The following OR5H15 variants were observed in gnomAD, a reference collection of about 807,000 sequenced individuals.
OR5H15 encodes olfactory receptor 5H15.
For synonymous variants in OR5H15, 153 were observed against 129.1 expected, an observed-to-expected ratio of 1.19 and a Z score of -1.26; for missense variants, 405 against 366.1, an observed-to-expected ratio of 1.11 and a Z score of -0.87.
chr3:98,169,521 G>A lies in OR5H15; in HGVS notation c.822G>A (p.Glu274=), dbSNP rs376537097. 115 of 1,613,178 alleles carry A rather than the reference G, an allele frequency of 7.1e-5. No individual in the cohort carries two copies. The highest frequency in any genetic ancestry group is 8.9e-5 in the Non-Finnish European group (105 of 1,179,478). The part of the protein sequence containing the change: ...SPQADGQNMV[E]PLFYTVIIPL... Reference sequence around the variant, plus strand: ...AAGCAGATGGTCAAAATATGGTGGAGCCTCTATTCTACACTGTCATCATTC... The same window carrying A: ...AAGCAGATGGTCAAAATATGGTGGAACCTCTATTCTACACTGTCATCATTC... The change falls in exon 2 of 2, where the codon GAG becomes GAA. Residue 274 remains glutamate, a synonymous_variant. Coordinates refer to ENST00000641450, the MANE Select transcript of OR5H15 (RefSeq NM_001005515.2).
At chr3:98,168,417 C>T (rs1337785626) in intron 1 of OR5H15, among the ~76,000 whole-genome samples, 2 of 152,058 alleles carry the variant, frequency 1.3e-5, no homozygotes, top group Non-Finnish European at 2.9e-5. Context: ...TTTTCTACTG[C>T]ACTCAATAGT....
chr3:98,167,314 T>G (rs965048982), intron 1 of OR5H15, among the ~76,000 whole-genome samples: 2 of 152,078 alleles, frequency 1.3e-5, no homozygotes, highest in Admixed American at 6.6e-5. Context: ...AAGGTTGCAT[T>G]AAGTAGAGTC....
Position 98,169,641 on chromosome 3 carries a change from A to G in OR5H15, c.942A>G (p.Ter314=), listed in dbSNP as rs938096481. The G allele has an allele frequency of 1.9e-6, 3 of 1,569,520 alleles. No homozygotes were observed. Among genetic ancestry groups the G allele is most frequent in the African/African-American group, 2.7e-5 (2 of 73,756 alleles). Residue 314 remains the stop codon, a stop_retained_variant, in exon 2 of 2, where the codon TAA becomes TAG. Coordinates refer to ENST00000641450, the MANE Select transcript of OR5H15 (RefSeq NM_001005515.2). ...MLKRNVKVSY[*] ...AAAGAAATGTTAAGGTTTCATACTA[A>G]TATCCTTTTTCTATTTACTAAAATA...
At position 98,169,376 on chromosome 3, in the gene OR5H15, T is replaced by C; in HGVS notation, c.677T>C (p.Leu226Ser). 5.0e-6 allele frequency: 8 copies of C among 1,613,364 alleles called. No homozygotes were observed. The highest frequency in any genetic ancestry group is 5.9e-6 in the Non-Finnish European group (7 of 1,179,578). ...TACACATTTGTTCTCTTCACAGTCT[T>C]AGAAAAGAAATCTGATAAGGGTGTA... Reference protein sequence around the residue: ...ISYTFVLFTVLEKKSDKGVRK... With the variant: ...ISYTFVLFTVSEKKSDKGVRK... Residue 226 changes from leucine (L) to serine (S), a missense_variant, in exon 2 of 2, where the codon TTA (leucine) becomes TCA (serine). Physicochemically the swap from Leu to Ser is moderately radical, Grantham distance 145. Transcript: ENST00000641450.
At position 98,169,180 on chromosome 3, in the gene OR5H15, G is replaced by A. The variant is rs543872298; in HGVS notation, c.481G>A (p.Gly161Arg). Reference sequence around the variant, plus strand: ...TATTCTTCATGCTTTAATCCATGAAGGATTTTTATTCAGACTAACCTTCTG... The same window carrying A: ...TATTCTTCATGCTTTAATCCATGAAAGATTTTTATTCAGACTAACCTTCTG... ...AGILHALIHE[G>R]FLFRLTFCNS... The change falls in exon 2 of 2, where the codon GGA (glycine) becomes AGA (arginine). Residue 161 changes from glycine to arginine, a missense_variant. Physicochemically the swap from Gly to Arg is moderately radical, Grantham distance 125. Transcript: ENST00000641450. 6.0e-5 allele frequency: 97 copies of A among 1,613,146 alleles called. No homozygotes were observed. Among genetic ancestry groups the A allele is most frequent in the Non-Finnish European group, 8.1e-5 (96 of 1,179,612 alleles).
At position 98,169,049 on chromosome 3, in the gene OR5H15, C is replaced by A. The variant is rs1708764484; in HGVS notation, c.350C>A (p.Thr117Lys). Reference protein sequence around the residue: ...GVTTECFLLATMAYDRYVAIC... With the variant: ...GVTTECFLLAKMAYDRYVAIC... ...ACCACAGAATGTTTTCTCTTGGCAA[C>A]AATGGCATATGATCGCTATGTAGCC... The change falls in exon 2 of 2, where the codon ACA becomes AAA. Residue 117 changes from threonine to lysine, a missense_variant. Physicochemically the swap from Thr to Lys is moderately conservative, Grantham distance 78. Transcript: ENST00000641450. 1 of 1,613,572 alleles carries A rather than the reference C, an allele frequency of 6.2e-7. No homozygotes were observed. Among genetic ancestry groups the A allele is most frequent in the African/African-American group, 1.3e-5 (1 of 74,890 alleles).
At chr3:98,167,409 T>G (rs1708735617) in intron 1 of OR5H15, among the ~76,000 whole-genome samples, 1 of 151,696 alleles carries the variant, frequency 6.6e-6, no homozygotes, top group Non-Finnish European at 1.5e-5. Context: ...ATATTCCAAA[T>G]GTAGGATCAG....
At position 98,169,148 on chromosome 3, in the gene OR5H15, T is replaced by G; in HGVS notation, c.449T>G (p.Ile150Arg). 2 of 1,613,616 alleles carry G rather than the reference T, an allele frequency of 1.2e-6. No individual in the cohort carries two copies. The highest frequency in any genetic ancestry group is 4.5e-5 in the East Asian group (2 of 44,822). Reference sequence around the variant, plus strand: ...ATCCGGCTATTAATCTTGTCATATATAGCTGGTATTCTTCATGCTTTAATC... The same window carrying G: ...ATCCGGCTATTAATCTTGTCATATAGAGCTGGTATTCTTCATGCTTTAATC... ...LCIRLLILSY[I>R]AGILHALIHE... Residue 150 changes from isoleucine (I) to arginine (R), a missense_variant, in exon 2 of 2, where the codon ATA becomes AGA. By Grantham distance (97) the Ile-to-Arg change is moderately conservative. Coordinates refer to ENST00000641450, the MANE Select transcript of OR5H15 (RefSeq NM_001005515.2).
intron 1 of OR5H15, among the ~76,000 whole-genome samples, chr3:98,167,343 T>C (rs1016073192): frequency 2.6e-5 from 4 of 151,732 alleles, no homozygotes; most frequent in African/African-American, 9.7e-5. Flanking sequence ...TCCACCTTGA[T>C]TACCTTCAAA....
intron 1 of OR5H15, 100 bp from the exon 2 acceptor site, chr3:98,168,582 G>A (rs1351165239): frequency 3.1e-6 from 4 of 1,311,098 alleles, no homozygotes; most frequent in Non-Finnish European, 4.2e-6. Flanking sequence ...AAATTGAGAG[G>A]GTTCTGATCA....
At position 98,168,788 on chromosome 3, in the gene OR5H15, C is replaced by T. The variant is rs766352943; in HGVS notation, c.89C>T (p.Ala30Val). Residue 30 changes from alanine to valine, a missense_variant, in exon 2 of 2, where the codon GCA becomes GTA. Ala to Val is a moderately conservative substitution (Grantham distance 64). Transcript: ENST00000641450. Reference sequence around the variant, plus strand: ...CAGTGGAAAATACCCCTGTTCTTGGCATTCTTGGTAATATATCTCATCACC... The same window carrying T: ...CAGTGGAAAATACCCCTGTTCTTGGTATTCTTGGTAATATATCTCATCACC... ...QPQWKIPLFLAFLVIYLITIM... is the reference protein window; with the variant it reads ...QPQWKIPLFLVFLVIYLITIM... 1.2e-6 allele frequency: 2 copies of T among 1,613,528 alleles called. No individual in the cohort carries two copies. Among genetic ancestry groups the T allele is most frequent in the Non-Finnish European group, 8.5e-7 (1 of 1,179,566 alleles).
chr3:98,169,143 A>G lies in OR5H15; in HGVS notation c.444A>G (p.Ser148=). ...NGLCIRLLIL[S]YIAGILHALI... ...TGTGCATCCGGCTATTAATCTTGTC[A>G]TATATAGCTGGTATTCTTCATGCTT... The change falls in exon 2 of 2, where the codon TCA becomes TCG. Residue 148 remains serine, a synonymous_variant. Transcript: ENST00000641450. The G allele has an allele frequency of 6.2e-7, 1 of 1,613,548 alleles. No homozygotes were observed. The highest frequency in any genetic ancestry group is 8.5e-7 in the Non-Finnish European group (1 of 1,179,660).
chr3:98,168,906 G>A lies in OR5H15; in HGVS notation c.207G>A (p.Val69=), dbSNP rs779237005. The A allele has an allele frequency of 1.9e-6, 3 of 1,613,160 alleles. No homozygotes were observed. Among genetic ancestry groups the A allele is most frequent in the Non-Finnish European group, 2.5e-6 (3 of 1,179,464 alleles). The change falls in exon 2 of 2, where the codon GTG becomes GTA. Residue 69 remains valine, a synonymous_variant. Coordinates refer to ENST00000641450, the MANE Select transcript of OR5H15 (RefSeq NM_001005515.2). The part of the protein sequence containing the change: ...MYLLLGNLAF[V]DAWISSTVTP... Reference sequence around the variant, plus strand: ...TACTCCTTGGGAATTTAGCTTTTGTGGATGCTTGGATATCATCCACAGTGA... The same window carrying A: ...TACTCCTTGGGAATTTAGCTTTTGTAGATGCTTGGATATCATCCACAGTGA...
intron 1 of OR5H15, among the ~76,000 whole-genome samples, chr3:98,167,742 T>C (rs1708740316): frequency 6.6e-6 from 1 of 152,030 alleles, no homozygotes; most frequent in Non-Finnish European, 1.5e-5. Flanking sequence ...TGAGATTTAA[T>C]AGGCTCATAT....
chr3:98,168,446 T>C (rs1459794339), intron 1 of OR5H15, among the ~76,000 whole-genome samples: 3 of 152,078 alleles, frequency 2.0e-5, no homozygotes, highest in Non-Finnish European at 2.9e-5. Flanking sequence ...AAATGTAGTG[T>C]ATACAGAGAA....
In OR5H15 at chr3:98,169,211, C is replaced by A. The variant is rs1327887508; in HGVS notation, c.512C>A (p.Ser171Tyr). Residue 171 changes from serine (S) to tyrosine (Y), a missense_variant, in exon 2 of 2, where the codon TCC becomes TAC. By Grantham distance (144) the Ser-to-Tyr change is moderately radical (BLOSUM62 -2). Coordinates refer to ENST00000641450, the MANE Select transcript of OR5H15 (RefSeq NM_001005515.2). ...TTATTCAGACTAACCTTCTGTAACT[C>A]CAACATAGTACATCACATTTACTGT... ...GFLFRLTFCNSNIVHHIYCDT... is the reference protein window; with the variant it reads ...GFLFRLTFCNYNIVHHIYCDT... The A allele has an allele frequency of 6.2e-7, 1 of 1,612,376 alleles. No homozygotes were observed.
rs1708782011 is a variant in OR5H15, at chr3:98,169,720, T to C, written c.*79T>C. ...CTATGTTGTTTCCAGTGTTCAAACA[T>C]TTTTGCAAGTATAACTGTCCTAGCA... On this transcript the variant is annotated 3_prime_UTR_variant, in exon 2 of 2. Transcript: ENST00000641450. The C allele has an allele frequency of 9.5e-7, 1 of 1,047,846 alleles. No homozygotes were observed. The highest frequency in any genetic ancestry group is 1.6e-5 in the African/African-American group (1 of 63,472). The allele number at this position is 1,047,846 out of a possible 1,614,324, so 64.9% of individuals were successfully genotyped here. A position where few individuals can be genotyped will look rare whatever the true frequency, so the allele number is the denominator to read the frequency against.
intron 1 of OR5H15, among the ~76,000 whole-genome samples, chr3:98,167,594 A>T (rs1241946888): frequency 6.6e-6 from 1 of 151,972 alleles, no homozygotes; most frequent in Non-Finnish European, 1.5e-5. Context: ...ACATATGTCC[A>T]CTTTGTTAGC....
In OR5H15 at chr3:98,169,680, G is replaced by A. The variant is rs755252697; in HGVS notation, c.*39G>A. 120 of 1,420,046 alleles carry A rather than the reference G, an allele frequency of 8.5e-5. No homozygotes were observed. The highest frequency in any genetic ancestry group is 1.8e-4 in the Middle Eastern group (1 of 5,694). 88.0% of individuals were successfully genotyped at this position (1,420,046 alleles called of 1,614,324 possible). On this transcript the variant is annotated 3_prime_UTR_variant, in exon 2 of 2. Coordinates refer to ENST00000641450, the MANE Select transcript of OR5H15 (RefSeq NM_001005515.2). ...TTTACTAAAATAGTCACAAAATTACGCAAGTTAGAGGTACCTATGTTGTTT... is the reference window on the plus strand; with the variant it reads ...TTTACTAAAATAGTCACAAAATTACACAAGTTAGAGGTACCTATGTTGTTT...
Sources: gnomAD v4.1 joint callset for allele counts (sites outside exome capture counted in the v4.1 genomes callset) on GRCh38, gnomAD v4.1.1 for gene constraint, MANE v1.5 for transcripts, NCBI Gene and HGNC (gene_info 2026-07-23, HGNC 2026-07-21) for gene names.